The following KALRN variants were observed in gnomAD, a reference collection of about 807,000 sequenced individuals.
KALRN encodes the protein kalirin.
Under a neutral mutation model 353.7 loss-of-function variants are expected in KALRN, and 70 were observed. The ratio of observed to expected loss-of-function variants is 0.20; its 90% CI spans 0.16 to 0.24. KALRN has a LOEUF of 0.24. Ranked by LOEUF, KALRN falls within the 10% of genes least tolerant of loss-of-function variation. KALRN has a pLI of 1.00. For missense variants in KALRN, 2,791 were observed against 3,756.7 expected (o/e 0.74, Z 6.72); for synonymous variants, 1,391 against 1,434.8 (o/e 0.97, Z 0.69).
chr3:124,542,811 C>G (rs960010561), intron 33 of KALRN, among the ~76,000 whole-genome samples: 1 of 152,184 alleles, frequency 6.6e-6, no homozygotes, highest in Non-Finnish European at 1.5e-5. Flanking sequence ...CTATTGCTCC[C>G]TAACAAATTA....
At chr3:124,447,367 G>T (rs6808971) in intron 21 of KALRN, among the ~76,000 whole-genome samples, 1 of 152,120 alleles carries the variant, frequency 6.6e-6, no homozygotes, top group Admixed American at 6.5e-5. Flanking sequence ...CCTCAAACCC[G>T]CTCATGAGCT....
chr3:124,499,857 T>C (rs139167390), intron 33 of KALRN, among the ~76,000 whole-genome samples: 23 of 152,344 alleles, frequency 1.5e-4, no homozygotes, highest in African/African-American at 4.6e-4. Context: ...CTCCAAATCA[T>C]CTCTGATTAG....
At chr3:124,297,512 C>T (rs1206249014) in intron 5 of KALRN, among the ~76,000 whole-genome samples, 1 of 152,224 alleles carries the variant, frequency 6.6e-6, no homozygotes, top group East Asian at 1.9e-4. Context: ...GGTTGAGTTT[C>T]CAGGTCCTCA....
intron 33 of KALRN, among the ~76,000 whole-genome samples, chr3:124,522,491 GA>G (rs1008498092): frequency 6.6e-6 from 1 of 150,664 alleles, no homozygotes; most frequent in Admixed American, 6.6e-5. Flanking sequence ...AAAAGGAAAA[GA>G]AAAAAAAAGC....
intron 14 of KALRN, among the ~76,000 whole-genome samples, chr3:124,418,868 T>C (rs2092640955): frequency 6.6e-6 from 1 of 152,184 alleles, no homozygotes; most frequent in Non-Finnish European, 1.5e-5. Flanking sequence ...TAAGACTTAC[T>C]AATGGTCGGG....
At chr3:124,689,340 G>A (rs1022416011) in intron 51 of KALRN, among the ~76,000 whole-genome samples, 2 of 151,990 alleles carry the variant, frequency 1.3e-5, no homozygotes, top group African/African-American at 4.8e-5. Context: ...TCAGCTTCCC[G>A]AGTAGCTGTG....
chr3:124,566,357 G>T (rs370672757), intron 34 of KALRN, among the ~76,000 whole-genome samples: 1 of 152,018 alleles, frequency 6.6e-6, no homozygotes, highest in African/African-American at 2.4e-5. Flanking sequence ...TTAAAAATTA[G>T]CCAGGTGGGG....
intron 51 of KALRN, chr3:124,679,855 T>C: frequency 2.7e-6 from 1 of 374,680 alleles, no homozygotes; most frequent in Non-Finnish European, 5.1e-6. Flanking sequence ...AACAGCACTG[T>C]AAAGAGTGGA....
At chr3:124,425,795 T>C (rs1268591332) in intron 15 of KALRN, among the ~76,000 whole-genome samples, 6 of 152,188 alleles carry the variant, frequency 3.9e-5, no homozygotes, top group African/African-American at 1.4e-4. Flanking sequence ...CTACACATCC[T>C]ATATAGGAGG....
intron 1 of KALRN, among the ~76,000 whole-genome samples, chr3:124,164,980 C>G (rs1033547960): frequency 1.3e-5 from 2 of 152,174 alleles, no homozygotes; most frequent in African/African-American, 4.8e-5. Flanking sequence ...GAGGGGGGCT[C>G]TCTGCAGTAT....
chr3:124,660,994 G>C (rs1476331252), intron 44 of KALRN, 21 bp downstream of exon 44: 2 of 1,564,490 alleles, frequency 1.3e-6, no homozygotes, highest in Admixed American at 3.3e-5. Flanking sequence ...TGCTTGTAAT[G>C]CTTGCTGTTC....
At position 124,398,706 on chromosome 3, in the gene KALRN, T is replaced by G. The variant is rs2090481331; in HGVS notation, c.2181T>G (p.Ala727=). ...LGEPSEARDS[A]VSNNKTPHSS... The stretch of plus-strand genomic sequence containing the variant: ...CCCCACTCTGCCACAGGGACTCGGC[T>G]GTGTCCAACAACAAAACACCCCACA... The change falls in exon 13 of 60, where the codon GCT becomes GCG. Residue 727 remains alanine (A), a synonymous_variant. Transcript: ENST00000682506. 1.2e-6 allele frequency: 2 copies of G among 1,614,156 alleles called. No individual in the cohort carries two copies. The highest frequency in any genetic ancestry group is 2.2e-5 in the South Asian group (2 of 91,082).
chr3:124,516,143 G>C (rs947548262), intron 33 of KALRN, among the ~76,000 whole-genome samples: 4 of 152,198 alleles, frequency 2.6e-5, no homozygotes, highest in African/African-American at 9.7e-5. Flanking sequence ...TAGGTCCTCA[G>C]GGACAGGATA....
intron 33 of KALRN, among the ~76,000 whole-genome samples, chr3:124,505,102 C>G (rs1471026389): frequency 6.6e-6 from 1 of 152,032 alleles, no homozygotes; most frequent in Admixed American, 6.6e-5. Flanking sequence ...TCTGTACAGA[C>G]CTTTTGATGT....
chr3:124,638,653 C>A (rs1169939887), intron 37 of KALRN, among the ~76,000 whole-genome samples: 1 of 152,090 alleles, frequency 6.6e-6, no homozygotes, highest in Admixed American at 6.6e-5. Flanking sequence ...ATTGCAGTAG[C>A]CATTGCCTGC....
At chr3:124,120,714 A>ATT (rs1168039216) in intron 1 of KALRN, among the ~76,000 whole-genome samples, 1 of 18,552 alleles carries the variant, frequency 5.4e-5, no homozygotes, top group Admixed American at 5.9e-4. Flanking sequence ...TACTAAAAAT[A>ATT]TATATATATA....
intron 1 of KALRN, among the ~76,000 whole-genome samples, chr3:124,067,578 T>C (rs1484156851): frequency 6.6e-6 from 1 of 151,660 alleles, no homozygotes; most frequent in Non-Finnish European, 1.5e-5. Context: ...TAGGATAGGG[T>C]AGAAATGGGG....
chr3:124,153,449 A>G (rs1448326763), intron 1 of KALRN, among the ~76,000 whole-genome samples: 1 of 150,840 alleles, frequency 6.6e-6, no homozygotes, highest in Non-Finnish European at 1.5e-5. Flanking sequence ...ACATGAACTC[A>G]TCATTTTTTA....
intron 1 of KALRN, among the ~76,000 whole-genome samples, chr3:124,170,770 C>T (rs1481619337): frequency 6.9e-6 from 1 of 145,678 alleles, no homozygotes; most frequent in East Asian, 2.0e-4. Flanking sequence ...AGTCTCAGGG[C>T]ACAAACAACA....
Sources: gnomAD v4.1 joint callset for allele counts (sites outside exome capture counted in the v4.1 genomes callset) on GRCh38, gnomAD v4.1.1 for gene constraint, MANE v1.5 for transcripts, NCBI Gene and HGNC (gene_info 2026-07-23, HGNC 2026-07-21) for gene names.